The following HSD17B12 variants were observed in gnomAD, a reference collection of about 807,000 sequenced individuals.
HSD17B12 encodes the protein hydroxysteroid 17-beta dehydrogenase 12.
Under a neutral mutation model 39.3 loss-of-function variants are expected in HSD17B12, and 32 were observed. The observed-to-expected ratio is 0.81, with a 90% CI of 0.61 to 1.09. The LOEUF (loss-of-function observed/expected upper bound fraction) is 1.09, where lower values mean the gene tolerates loss of function less well. Ranked by LOEUF, HSD17B12 falls within the 50% of genes least tolerant of loss-of-function variation. The pLI is 0.00. For synonymous variants in HSD17B12, 150 were observed against 146.7 expected, an observed-to-expected ratio of 1.02 and a Z score of -0.16; for missense variants, 342 against 382.9, an observed-to-expected ratio of 0.89 and a Z score of 0.89.
chr11:43,631,119 T>A, the HSD17B12 span, among the ~76,000 whole-genome samples: 5 of 152,164 alleles, frequency 3.3e-5, no homozygotes, highest in Non-Finnish European at 7.3e-5. Flanking sequence ...ATTTCTTTTT[T>A]AAAAAAATGT....
At chr11:43,794,389 T>C (rs1314339962) in intron 3 of HSD17B12, among the ~76,000 whole-genome samples, 1 of 152,196 alleles carries the variant, frequency 6.6e-6, no homozygotes, top group Non-Finnish European at 1.5e-5. Context: ...ATTGAAATGT[T>C]TAATGTAATC....
chr11:43,734,546 GC>G, intron 1 of HSD17B12: 1 of 561,102 alleles, frequency 1.8e-6, no homozygotes. Flanking sequence ...GGCAGTCCGT[GC>G]CCCTCCAGCT....
the HSD17B12 span, among the ~76,000 whole-genome samples, chr11:43,586,098 G>T: frequency 6.6e-6 from 1 of 152,002 alleles, no homozygotes; most frequent in Non-Finnish European, 1.5e-5. Context: ...TGTTCTCTGG[G>T]TATTTTTTTT....
At chr11:43,658,689 C>T in the HSD17B12 span, among the ~76,000 whole-genome samples, 5 of 152,284 alleles carry the variant, frequency 3.3e-5, no homozygotes, top group South Asian at 2.1e-4. Context: ...GTGTCAGCAG[C>T]GGTGGCTGCA....
intron 1 of HSD17B12, among the ~76,000 whole-genome samples, chr11:43,725,313 G>A (rs866384428): frequency 2.0e-5 from 3 of 152,302 alleles, no homozygotes; most frequent in African/African-American, 7.2e-5. Flanking sequence ...TAAAAAAGAT[G>A]ATGCTTGTTT....
the HSD17B12 span, among the ~76,000 whole-genome samples, chr11:43,583,922 A>G: frequency 6.6e-6 from 1 of 152,156 alleles, no homozygotes; most frequent in East Asian, 1.9e-4. Context: ...CCCTGGGCCC[A>G]GCCAACTAGC....
chr11:43,759,355 AT>A (rs1950537624), intron 3 of HSD17B12, among the ~76,000 whole-genome samples: 3 of 152,194 alleles, frequency 2.0e-5, no homozygotes, highest in Non-Finnish European at 2.9e-5. Flanking sequence ...AGGACACTAA[AT>A]GTTTCACCAA....
chr11:43,692,667 T>A (rs936425736), intron 1 of HSD17B12, among the ~76,000 whole-genome samples: 1 of 152,266 alleles, frequency 6.6e-6, no homozygotes. Flanking sequence ...GTAAGGCTTA[T>A]TGGTAAGACT....
At chr11:43,619,588 C>T in the HSD17B12 span, among the ~76,000 whole-genome samples, 4 of 151,826 alleles carry the variant, frequency 2.6e-5, no homozygotes, top group Admixed American at 6.6e-5. Flanking sequence ...GATGGGGTTT[C>T]ACCATGTTGG....
intron 5 of HSD17B12, among the ~76,000 whole-genome samples, chr11:43,816,134 C>T (rs1823194217): frequency 6.6e-6 from 1 of 152,120 alleles, no homozygotes; most frequent in African/African-American, 2.4e-5. Flanking sequence ...ACTTTGGATT[C>T]TGCATGTTAG....
chr11:43,820,465 C>T (rs534321972), intron 6 of HSD17B12, among the ~76,000 whole-genome samples: 1 of 152,274 alleles, frequency 6.6e-6, no homozygotes, highest in South Asian at 2.1e-4. Context: ...GACTGTGTTA[C>T]GTTGCCAGGG....
At chr11:43,691,849 A>G (rs1949865924) in intron 1 of HSD17B12, among the ~76,000 whole-genome samples, 1 of 152,088 alleles carries the variant, frequency 6.6e-6, no homozygotes, top group Non-Finnish European at 1.5e-5. Flanking sequence ...GCTTGTGCAG[A>G]GGCATTTAGT....
intron 1 of HSD17B12, among the ~76,000 whole-genome samples, chr11:43,713,919 T>C (rs1292671000): frequency 6.6e-6 from 1 of 152,254 alleles, no homozygotes; most frequent in East Asian, 1.9e-4. Flanking sequence ...GCTGCATAAA[T>C]GTCTTCTTTT....
chr11:43,574,408 C>G, the HSD17B12 span, among the ~76,000 whole-genome samples: 1 of 152,162 alleles, frequency 6.6e-6, no homozygotes, highest in Non-Finnish European at 1.5e-5. Context: ...GTAAATAGCT[C>G]TCTGCTTTCT....
At chr11:43,613,899 T>C in the HSD17B12 span, among the ~76,000 whole-genome samples, 1 of 152,174 alleles carries the variant, frequency 6.6e-6, no homozygotes. Flanking sequence ...ACTCCTAACC[T>C]CAGGTGATCT....
the HSD17B12 span, among the ~76,000 whole-genome samples, chr11:43,649,112 CTTTTTT>C: frequency 7.1e-6 from 1 of 140,262 alleles, no homozygotes; most frequent in Admixed American, 7.1e-5. Context: ...CAACTTGTGT[CTTTTTT>C]TTTTTTAATT....
chr11:43,718,617 T>G (rs1950147446), intron 1 of HSD17B12: 1 of 614,494 alleles, frequency 1.6e-6, no homozygotes, highest in South Asian at 1.8e-5. Context: ...TCTGGGCACA[T>G]GTTACTAAGT....
At chr11:43,786,019 A>T (rs996125187) in intron 3 of HSD17B12, among the ~76,000 whole-genome samples, 1 of 152,208 alleles carries the variant, frequency 6.6e-6, no homozygotes, top group African/African-American at 2.4e-5. Flanking sequence ...TTTTCATTTG[A>T]AAACTCAAAT....
In HSD17B12 at chr11:43,681,670, ATT is replaced by A. The variant is rs67174721; in HGVS notation, c.160+697_160+698del. 3.4e-3 allele frequency among the ~76,000 whole-genome samples: 498 copies of A among 147,428 alleles called. 1 individual carries two copies. The highest frequency in any genetic ancestry group is 0.011 in the East Asian group (57 of 5,034). ...TGATAACTCATCATGTTAAAATCAG[ATT>A]TTTTTTTTTTTTTCACAAGGACGTT... On this transcript the variant is annotated intron_variant, in intron 1 of 10. Coordinates refer to ENST00000278353, the MANE Select transcript of HSD17B12 (RefSeq NM_016142.3).
Sources: allele counts gnomAD v4.1 joint callset (sites outside exome capture counted in the v4.1 genomes callset), GRCh38; gene constraint gnomAD v4.1.1; transcripts MANE v1.5; gene names NCBI Gene and HGNC (gene_info 2026-07-23, HGNC 2026-07-21).